NBAS: variants seen among roughly 807,000 people sequenced by gnomAD.
NBAS encodes NBAS subunit of NRZ tethering complex, also known as NAG/BC035112 fusion.
Under a neutral mutation model 302.5 loss-of-function variants are expected in NBAS, and 219 were observed. The observed-to-expected ratio is 0.72, with a 90% confidence interval of 0.65 to 0.81. The LOEUF is 0.81. Among genes scored for constraint, NBAS ranks in the 30% least tolerant of loss-of-function variants. The probability of loss-of-function intolerance (pLI) is 0.00; values close to 1 mark genes in which losing one functional copy is unlikely to be tolerated. For synonymous variants in NBAS, 1,118 were observed against 1,021.6 expected (o/e 1.09, Z -1.80); for missense variants, 2,932 against 2,841.6 (o/e 1.03, Z -0.72).
chr2:15,174,035 T>C (rs967969491), intron 51 of NBAS, among the ~76,000 whole-genome samples: 5 of 152,228 alleles, frequency 3.3e-5, no homozygotes, highest in African/African-American at 1.2e-4. Flanking sequence ...TAGTGCTGTT[T>C]AGGAATCCCA....
chr2:15,425,495 A>C (rs1410539241), intron 22 of NBAS, among the ~76,000 whole-genome samples: 2 of 152,234 alleles, frequency 1.3e-5, no homozygotes, highest in Non-Finnish European at 2.9e-5. Flanking sequence ...GGAAGTGCTT[A>C]ATTTTATTTA....
chr2:15,552,214 A>AT (rs1255524295), intron 5 of NBAS, among the ~76,000 whole-genome samples: 1 of 152,230 alleles, frequency 6.6e-6, no homozygotes, highest in African/African-American at 2.4e-5. Context: ...ATACATACAG[A>AT]TATCAAAAAA....
chr2:15,431,843 TA>T (rs200685895), intron 21 of NBAS, among the ~76,000 whole-genome samples: 1 of 149,458 alleles, frequency 6.7e-6, no homozygotes, highest in East Asian at 1.9e-4. Flanking sequence ...TCTCAGTTAA[TA>T]AAAAAAAGAC....
At chr2:15,288,790 T>C (rs930456405) in intron 41 of NBAS, among the ~76,000 whole-genome samples, 1 of 152,216 alleles carries the variant, frequency 6.6e-6, no homozygotes, top group Non-Finnish European at 1.5e-5. Context: ...CTGCTAAGAC[T>C]GTATTTCCCC....
chr2:15,464,587 A>G (rs1034515171), intron 19 of NBAS, among the ~76,000 whole-genome samples: 15 of 151,966 alleles, frequency 9.9e-5, no homozygotes, highest in African/African-American at 3.6e-4. Flanking sequence ...TATAAAAACA[A>G]TACTTCTTCC....
At chr2:15,207,160 T>C (rs1188747564) in intron 48 of NBAS, among the ~76,000 whole-genome samples, 1 of 152,166 alleles carries the variant, frequency 6.6e-6, no homozygotes, top group African/African-American at 2.4e-5. Context: ...AGCCTACATC[T>C]TGCATGACCG....
the NBAS span, among the ~76,000 whole-genome samples, chr2:15,153,346 T>C: frequency 3.3e-5 from 5 of 152,250 alleles, no homozygotes; most frequent in African/African-American, 7.2e-5. Flanking sequence ...ATTTTGAATG[T>C]GGTGCTATCC....
At chr2:15,530,551 CA>C (rs1663168207) in intron 9 of NBAS, among the ~76,000 whole-genome samples, 2 of 151,724 alleles carry the variant, frequency 1.3e-5, no homozygotes, top group African/African-American at 4.8e-5. Context: ...TAAAAGATCT[CA>C]AAAAGCATTT....
At chr2:15,410,741 G>C (rs964729304) in intron 25 of NBAS, among the ~76,000 whole-genome samples, 2 of 152,184 alleles carry the variant, frequency 1.3e-5, no homozygotes, top group African/African-American at 4.8e-5. Flanking sequence ...CTTTTCACAA[G>C]ACCATAACTT....
intron 51 of NBAS, among the ~76,000 whole-genome samples, chr2:15,173,901 G>C (rs1439891593): frequency 6.6e-6 from 1 of 152,028 alleles, no homozygotes; most frequent in Non-Finnish European, 1.5e-5. Flanking sequence ...TTAAGCACAG[G>C]GATAATAATA....
the NBAS span, among the ~76,000 whole-genome samples, chr2:15,146,953 C>T: frequency 6.6e-6 from 1 of 152,170 alleles, no homozygotes; most frequent in Non-Finnish European, 1.5e-5. Flanking sequence ...GAGCTGGTTA[C>T]CCGCTGTGTC....
chr2:14,956,003 C>T, the NBAS span, among the ~76,000 whole-genome samples: 1 of 152,148 alleles, frequency 6.6e-6, no homozygotes, highest in Admixed American at 6.5e-5. Flanking sequence ...CATTGTCAGG[C>T]TGCAAATTTT....
chr2:15,434,189 C>T (rs1677898001), intron 21 of NBAS, among the ~76,000 whole-genome samples: 1 of 152,064 alleles, frequency 6.6e-6, no homozygotes, highest in African/African-American at 2.4e-5. Context: ...AGAAAGGCTG[C>T]TCTATACAAG....
chr2:15,271,749 C>T (rs1237119385), intron 44 of NBAS, among the ~76,000 whole-genome samples: 1 of 152,164 alleles, frequency 6.6e-6, no homozygotes, highest in Non-Finnish European at 1.5e-5. Flanking sequence ...TTACTAACCA[C>T]CTAATACCAA....
chr2:14,867,955 G>C, the NBAS span, among the ~76,000 whole-genome samples: 2 of 152,170 alleles, frequency 1.3e-5, no homozygotes, highest in Non-Finnish European at 2.9e-5. Flanking sequence ...CATACCCCTA[G>C]TCATCCAAAT....
the NBAS span, among the ~76,000 whole-genome samples, chr2:15,084,688 G>A: frequency 6.9e-5 from 9 of 130,896 alleles, no homozygotes; most frequent in African/African-American, 2.2e-4. Context: ...TCGGCGGGGC[G>A]GGGGGGGTTC....
At chr2:15,552,888 AC>A (rs1664449886) in intron 5 of NBAS, among the ~76,000 whole-genome samples, 1 of 150,374 alleles carries the variant, frequency 6.7e-6, no homozygotes, top group African/African-American at 2.5e-5. Flanking sequence ...TTCTCAGCTC[AC>A]TGCCTCCCAG....
intron 44 of NBAS, among the ~76,000 whole-genome samples, chr2:15,243,064 A>C (rs1195287731): frequency 6.6e-6 from 1 of 152,152 alleles, no homozygotes; most frequent in Non-Finnish European, 1.5e-5. Flanking sequence ...GGTTCTAACC[A>C]CTTCCTACCA....
At chr2:15,403,161 G>A (rs746252875) in intron 25 of NBAS, among the ~76,000 whole-genome samples, 6 of 152,098 alleles carry the variant, frequency 3.9e-5, no homozygotes, top group Non-Finnish European at 7.4e-5. Context: ...TAGTCTACTG[G>A]TTTTCAATGT....
Sources: gnomAD v4.1 joint callset for allele counts (sites outside exome capture counted in the v4.1 genomes callset) on GRCh38, gnomAD v4.1.1 for gene constraint, MANE v1.5 for transcripts, NCBI Gene and HGNC (gene_info 2026-07-23, HGNC 2026-07-21) for gene names.